The following CEACAM20 variants were observed in gnomAD, a reference collection of about 807,000 sequenced individuals.
CEACAM20 encodes CEA cell adhesion molecule 20, also known as cell adhesion molecule CEACAM20.
CEACAM20 carries 50 observed loss-of-function variants against 61.2 expected under a neutral mutation model. The ratio of observed to expected loss-of-function variants is 0.82; its 90% CI spans 0.65 to 1.03. The LOEUF (loss-of-function observed/expected upper bound fraction) is 1.03. CEACAM20 is among the 50% of genes least tolerant of loss of function. CEACAM20 has a pLI of 0.00. For missense variants in CEACAM20, 683 were observed against 736.4 expected (o/e 0.93, Z 0.84); for synonymous variants, 282 against 287.7 (o/e 0.98, Z 0.20).
chr19:44,525,093 G>T lies in CEACAM20; in HGVS notation c.196+8C>A, dbSNP rs775354128. The T allele has an allele frequency of 1.2e-6, 2 of 1,610,308 alleles. No individual in the cohort carries two copies. Among genetic ancestry groups the T allele is most frequent in the Non-Finnish European group, 8.5e-7 (1 of 1,178,436 alleles). ...ATCAGAATGACCGTCTTGTTTTCTG[G>T]CCCCTACCTCTGGATCTGCCATGAA... On this transcript the variant is annotated splice_region_variant and intron_variant, in intron 2 of 11. Transcript: ENST00000614924.
At chr19:44,509,752 G>A (rs1278551209) in intron 11 of CEACAM20, among the ~76,000 whole-genome samples, 2 of 151,990 alleles carry the variant, frequency 1.3e-5, no homozygotes, top group Admixed American at 6.6e-5. Context: ...AAAGGGAAGG[G>A]TATGGAGAAG....
chr19:44,524,416 C>A (rs1461791548), intron 2 of CEACAM20, among the ~76,000 whole-genome samples, 155 bp from the exon 3 acceptor site: 1 of 152,146 alleles, frequency 6.6e-6, no homozygotes, highest in Non-Finnish European at 1.5e-5. Flanking sequence ...GGATCTACTG[C>A]TCATTCTTGG....
At position 44,515,218 on chromosome 19, in the gene CEACAM20, A is replaced by AATGATGATGATG. The variant is rs59294881; in HGVS notation, c.1309+1716_1309+1727dup. Among the ~76,000 whole-genome samples the AATGATGATGATG allele has an allele frequency of 2.9e-3, 426 of 149,100 alleles. 2 individuals carry two copies. The highest frequency in any genetic ancestry group is 8.0e-3 in the African/African-American group (323 of 40,316). On this transcript the variant is annotated intron_variant, in intron 6 of 11. Coordinates refer to ENST00000614924, the MANE Select transcript of CEACAM20 (RefSeq NM_001102597.3). Reference sequence around the variant, plus strand: ...CCTGATACATACCAGATGCTTGACAAATGATGATGATGATGATGATGATGA... The same window carrying AATGATGATGATG: ...CCTGATACATACCAGATGCTTGACAAATGATGATGATGATGATGATGATGATGATGATGATGA...
chr19:44,524,985 T>C (rs1194542729), intron 2 of CEACAM20, 116 bp downstream of exon 2: 1 of 1,326,398 alleles, frequency 7.5e-7, no homozygotes, highest in Non-Finnish European at 1.0e-6. Flanking sequence ...CAGTTGTTGC[T>C]GGACCCTGGC....
chr19:44,529,020 G>A (rs1230671856), intron 1 of CEACAM20, among the ~76,000 whole-genome samples: 14 of 132,796 alleles, frequency 1.1e-4, no homozygotes, highest in African/African-American at 3.9e-4. Flanking sequence ...GTGCTATGGT[G>A]TCATCTCAGC....
At position 44,511,656 on chromosome 19, in the gene CEACAM20, A is replaced by T. The variant is rs1326891746; in HGVS notation, c.1592T>A (p.Leu531His). The change falls in exon 10 of 12, where the codon CTT becomes CAT. Residue 531 changes from leucine (L) to histidine (H), a missense_variant. By Grantham distance (99) the Leu-to-His change is moderately conservative. Transcript: ENST00000614924. Reference sequence around the variant, plus strand: ...ATGTACCTCATAGGTCTCCTCTGGAAGGTCTGGTGGTTGCATCTGGGGAAA... The same window carrying T: ...ATGTACCTCATAGGTCTCCTCTGGATGGTCTGGTGGTTGCATCTGGGGAAA... The part of the protein sequence containing the change: ...IRVELMQPPD[L>H]PEETYETKLP... 6 of 1,612,892 alleles carry T rather than the reference A, an allele frequency of 3.7e-6. No individual in the cohort carries two copies. Among genetic ancestry groups the T allele is most frequent in the Non-Finnish European group, 5.1e-6 (6 of 1,179,630 alleles).
At chr19:44,523,189 G>T (rs983144849) in intron 3 of CEACAM20, among the ~76,000 whole-genome samples, 18 of 152,060 alleles carry the variant, frequency 1.2e-4, no homozygotes, top group Non-Finnish European at 2.4e-4. Context: ...CAAGAGAATT[G>T]CTTGGAGCAA....
rs887325240 is a variant in CEACAM20 at position 44,524,031 on chromosome 19, C to T, written c.427G>A (p.Ala143Thr). Residue 143 changes from alanine to threonine, a missense_variant, in exon 3 of 12, where the codon GCC (alanine) becomes ACC (threonine). Coordinates refer to ENST00000614924, the MANE Select transcript of CEACAM20 (RefSeq NM_001102597.3). ...GGGTCGCTCCTCTGGCTCAGAAGGG[C>T]ATCTCGAGCTTCACATTGGTAAGTC... ...SGTYQCEARDALLSQRSDPIF... is the reference protein window; with the variant it reads ...SGTYQCEARDTLLSQRSDPIF... The T allele has an allele frequency of 6.4e-6, 10 of 1,556,144 alleles. No individual in the cohort carries two copies. In the Admixed American group the frequency reaches 7.8e-5, roughly 12 times the overall value.
At chr19:44,526,987 C>A (rs1971549678) in intron 1 of CEACAM20, among the ~76,000 whole-genome samples, 1 of 152,156 alleles carries the variant, frequency 6.6e-6, no homozygotes, top group Non-Finnish European at 1.5e-5. Flanking sequence ...TTAACACAGA[C>A]CCTCTGCACT....
intron 3 of CEACAM20, 39 bp from the exon 4 acceptor site, chr19:44,522,951 T>A: frequency 6.5e-7 from 1 of 1,539,714 alleles, no homozygotes; most frequent in East Asian, 2.3e-5. Flanking sequence ...AACAACAGCA[T>A]CAGCAACAGG....
At chr19:44,517,721 A>AT (rs1326226798) in intron 5 of CEACAM20, among the ~76,000 whole-genome samples, 1 of 151,252 alleles carries the variant, frequency 6.6e-6, no homozygotes, top group Non-Finnish European at 1.5e-5. Context: ...AAGAAAAAAA[A>AT]CTGCCTTTGT....
intron 6 of CEACAM20, among the ~76,000 whole-genome samples, chr19:44,515,359 C>T (rs1971126404): frequency 6.6e-6 from 1 of 152,130 alleles, no homozygotes; most frequent in Non-Finnish European, 1.5e-5. Context: ...CTCCCTGCTG[C>T]CTTCCCTGAG....
intron 1 of CEACAM20, among the ~76,000 whole-genome samples, chr19:44,526,275 G>T (rs766601566): frequency 1.3e-5 from 2 of 152,160 alleles, no homozygotes; most frequent in African/African-American, 4.8e-5. Context: ...TTGGGAGGCT[G>T]AAGTGGGAGG....
intron 6 of CEACAM20, among the ~76,000 whole-genome samples, chr19:44,513,589 C>T (rs1380262270): frequency 2.6e-5 from 4 of 151,624 alleles, no homozygotes; most frequent in Non-Finnish European, 5.9e-5. Flanking sequence ...AAGTACCTGC[C>T]ACCATGCAGG....
intron 11 of CEACAM20, among the ~76,000 whole-genome samples, chr19:44,510,592 GA>G (rs1396025759): frequency 5.5e-5 from 3 of 54,352 alleles, no homozygotes; most frequent in Non-Finnish European, 6.8e-5. Flanking sequence ...AAGAAAGAAA[GA>G]AAGAAAGAAA....
At position 44,513,239 on chromosome 19, in the gene CEACAM20, C is replaced by T. The variant is rs750884522; in HGVS notation, c.1360G>A (p.Gly454Arg). Residue 454 changes from glycine to arginine, a missense_variant, in exon 7 of 12, where the codon GGG becomes AGG. Coordinates refer to ENST00000614924, the MANE Select transcript of CEACAM20 (RefSeq NM_001102597.3). ...SSGAIAGIVI[G>R]ILAVIAVASE... ...GCCACAGCAATGACAGCCAGGATCC[C>T]GATGACAATACCAGCGATGGCCCCT... 1.9e-6 allele frequency: 3 copies of T among 1,613,806 alleles called. No homozygotes were observed. The South Asian group carries it at 3.3e-5, about 18-fold the overall frequency.
At chr19:44,514,350 G>T (rs1197226849) in intron 6 of CEACAM20, among the ~76,000 whole-genome samples, 1 of 152,150 alleles carries the variant, frequency 6.6e-6, no homozygotes, top group Non-Finnish European at 1.5e-5. Context: ...TAAGAACACA[G>T]CTACAAGGAT....
chr19:44,523,400 T>C (rs559844126), intron 3 of CEACAM20, among the ~76,000 whole-genome samples: 118 of 147,468 alleles, frequency 8.0e-4, no homozygotes, highest in African/African-American at 2.8e-3. Flanking sequence ...CAGAGAGAAA[T>C]CTTGTCTCAA....
In CEACAM20 at chr19:44,520,661, C is replaced by G; in HGVS notation, c.843G>C (p.Gln281His). 4 of 1,614,052 alleles carry G rather than the reference C, an allele frequency of 2.5e-6. No individual in the cohort carries two copies. Among genetic ancestry groups the G allele is most frequent in the Non-Finnish European group, 3.4e-6 (4 of 1,179,896 alleles). ...TTAGGAACCACTGGACATTCACACT[C>G]TGATTGACGGTTTGGCAGGTCAGGT... ...SVDLTCQTVN[Q>H]SVNVQWFLSG... The change falls in exon 5 of 12, where the codon CAG becomes CAC. Residue 281 changes from glutamine to histidine, a missense_variant. Transcript: ENST00000614924.
Sources: allele counts gnomAD v4.1 joint callset (sites outside exome capture counted in the v4.1 genomes callset), GRCh38; gene constraint gnomAD v4.1.1; transcripts MANE v1.5; gene names NCBI Gene and HGNC (gene_info 2026-07-23, HGNC 2026-07-21).